SRMS: variants seen among roughly 807,000 people sequenced by gnomAD.
The protein encoded by SRMS is tyrosine-protein kinase Srms.
In SRMS, 42 loss-of-function variants were observed where a neutral mutation model predicts 43.5. That is an observed-to-expected ratio of 0.97 (90% CI 0.75 to 1.25). The LOEUF is 1.25. SRMS is among the 50% of genes most tolerant of loss of function. SRMS has a pLI of 0.00. For missense variants in SRMS, 703 were observed against 681.0 expected (o/e 1.03, Z -0.36); for synonymous variants, 316 against 308.2 (o/e 1.03, Z -0.27).
At position 63,540,270 on chromosome 20, in the gene SRMS, A is replaced by G. The variant is rs2082695756; in HGVS notation, c.*548T>C. ...ATACCACACATCCAGTGGGGTCAAC[A>G]CCACGGTCTGCCTGGGAGTCAGCAC... On this transcript the variant is annotated 3_prime_UTR_variant, in exon 8 of 8. Coordinates refer to ENST00000217188, the MANE Select transcript of SRMS (RefSeq NM_080823.4). Among the ~76,000 whole-genome samples the G allele has an allele frequency of 1.3e-5, 2 of 152,146 alleles. No individual in the cohort carries two copies. The highest frequency in any genetic ancestry group is 2.9e-5 in the Non-Finnish European group (2 of 68,026).
rs576765591 is a variant in SRMS, at chr20:63,543,984, T to C, written c.478+243A>G. On this transcript the variant is annotated intron_variant, in intron 2 of 7. Coordinates refer to ENST00000217188, the MANE Select transcript of SRMS (RefSeq NM_080823.4). ...ATGAATGGATGAATGAATGAATGAG[T>C]GAATTAGTGAGGAATGAATGAACAA... Among the ~76,000 whole-genome samples, 5 of 108,846 alleles carry C rather than the reference T, an allele frequency of 4.6e-5. No homozygotes were observed. The South Asian group carries it at 2.7e-3, about 59-fold the overall frequency. The allele number at this position is 108,846 out of a possible 152,430, so 71.4% of individuals were successfully genotyped here.
In SRMS at chr20:63,542,339, G is replaced by A. The variant is rs752513182; in HGVS notation, c.788-18C>T. On this transcript the variant is annotated intron_variant, in intron 4 of 7. Transcript: ENST00000217188. ...CATGTTGGCTGCGAGAGAGGGTGTG[G>A]CTCCAGGACCGGCCCACGCCACGAA... 2.1e-5 allele frequency: 34 copies of A among 1,602,274 alleles called. No individual in the cohort carries two copies. The highest frequency in any genetic ancestry group is 3.4e-5 in the Admixed American group (2 of 59,690).
intron 3 of SRMS, among the ~76,000 whole-genome samples, chr20:63,542,946 C>A (rs1600945594): frequency 6.6e-6 from 1 of 152,308 alleles, no homozygotes. Context: ...AGCCCAGGTG[C>A]AGCATCTTGT....
Position 63,547,276 on chromosome 20 carries a change from G to A in SRMS, c.188C>T (p.Thr63Met), listed in dbSNP as rs1326559114. ...PQLFLALYDFTARCGGELSVR... is the reference protein window; with the variant it reads ...PQLFLALYDFMARCGGELSVR... ...ACTCAGCTCCCCGCCACACCGCGCC[G>A]TGAAGTCATAGAGCGCAAGGAAGAG... Residue 63 changes from threonine to methionine, a missense_variant, in exon 1 of 8, where the codon ACG (threonine) becomes ATG (methionine). Thr to Met is a moderately conservative substitution (Grantham distance 81, BLOSUM62 -1). Coordinates refer to ENST00000217188, the MANE Select transcript of SRMS (RefSeq NM_080823.4). 3.2e-5 allele frequency: 52 copies of A among 1,609,690 alleles called. No individual in the cohort carries two copies. Among genetic ancestry groups the A allele is most frequent in the Admixed American group, 6.7e-5 (4 of 59,710 alleles).
Position 63,543,450 on chromosome 20 carries a change from C to T in SRMS, c.509G>A (p.Arg170Gln), listed in dbSNP as rs147645098. ...VRAQAKVCHY[R>Q]VSMAADGSLY... ...GCTGCCATCAGCTGCCATGGAGACCCGGTAGTGGCAGACCTTGGCCTGGGC... is the reference window on the plus strand; with the variant it reads ...GCTGCCATCAGCTGCCATGGAGACCTGGTAGTGGCAGACCTTGGCCTGGGC... Residue 170 changes from arginine to glutamine, a missense_variant, in exon 3 of 8, where the codon CGG becomes CAG. Arg to Gln is a conservative substitution (Grantham distance 43). Coordinates refer to ENST00000217188, the MANE Select transcript of SRMS (RefSeq NM_080823.4). The T allele has an allele frequency of 9.9e-5, 160 of 1,612,816 alleles. No homozygotes were observed. In the African/African-American group the frequency reaches 1.6e-3, roughly 16 times the overall value.
intron 2 of SRMS, 172 bp from the exon 3 acceptor site, chr20:63,543,652 G>A: frequency 1.3e-6 from 1 of 791,122 alleles, no homozygotes; most frequent in Non-Finnish European, 1.9e-6. Context: ...CACAGGCTGG[G>A]GCGGGGCAGC....
chr20:63,541,717 C>G (rs1487737242), intron 5 of SRMS, 97 bp from the exon 6 acceptor site: 1 of 1,365,774 alleles, frequency 7.3e-7, no homozygotes, highest in East Asian at 2.6e-5. Context: ...TCAGCCTCCT[C>G]ATCTCTAAGA....
Position 63,540,677 on chromosome 20 carries a change from C to T in SRMS, c.*141G>A, listed in dbSNP as rs1461573309. 13 of 1,090,352 alleles carry T rather than the reference C, an allele frequency of 1.2e-5. No individual in the cohort carries two copies. In the Admixed American group the frequency reaches 2.1e-4, roughly 17 times the overall value. The allele number at this position is 1,090,352 out of a possible 1,614,324, so 67.5% of individuals were successfully genotyped here. A position where few individuals can be genotyped will look rare whatever the true frequency, so the allele number is the denominator to read the frequency against. The stretch of plus-strand genomic sequence containing the variant: ...TCCGTCTGCACGTCTGCCTGGTGCA[C>T]GAACATGTGTGCACGCCAGGGCCTG... On this transcript the variant is annotated 3_prime_UTR_variant, in exon 8 of 8. Coordinates refer to ENST00000217188, the MANE Select transcript of SRMS (RefSeq NM_080823.4).
chr20:63,541,204 C>G lies in SRMS; in HGVS notation c.1272G>C (p.Gln424His), dbSNP rs2082701674. 6.4e-7 allele frequency: 1 copy of G among 1,558,626 alleles called. No homozygotes were observed. The highest frequency in any genetic ancestry group is 8.6e-7 in the Non-Finnish European group (1 of 1,157,620). Reference protein sequence around the residue: ...VLLHEVFTYGQCPYEGMTNHE... With the variant: ...VLLHEVFTYGHCPYEGMTNHE... ...CTGGGGACCCACCTTCATAGGGACA[C>G]TGGCCATAGGTGAAAACCTCGTGCA... Residue 424 changes from glutamine to histidine, a missense_variant, in exon 7 of 8, where the codon CAG becomes CAC. Transcript: ENST00000217188.
At position 63,547,188 on chromosome 20, in the gene SRMS, C is replaced by T; in HGVS notation, c.276G>A (p.Arg92=). The T allele has an allele frequency of 6.2e-7, 1 of 1,612,140 alleles. No individual in the cohort carries two copies. Among genetic ancestry groups the T allele is most frequent in the South Asian group, 1.1e-5 (1 of 91,010 alleles). The change falls in exon 1 of 8, where the codon AGG becomes AGA. Residue 92 remains arginine (R), a synonymous_variant. Coordinates refer to ENST00000217188, the MANE Select transcript of SRMS (RefSeq NM_080823.4). ...EEGGGYIFAR[R]LSGQPSAGLV... Reference sequence around the variant, plus strand: ...GCCCGGCGCTGGGCTGGCCCGAAAGCCTGCGTGCGAAGATGTAGCCGCCCC... The same window carrying T: ...GCCCGGCGCTGGGCTGGCCCGAAAGTCTGCGTGCGAAGATGTAGCCGCCCC...
chr20:63,543,364 C>T lies in SRMS; in HGVS notation c.595G>A (p.Ala199Thr), dbSNP rs773497556. 13 of 1,612,816 alleles carry T rather than the reference C, an allele frequency of 8.1e-6. 1 individual carries two copies. The South Asian group carries it at 1.4e-4, about 18-fold the overall frequency. ...GLEELLTYYK[A>T]NWKLIQNPLL... is the part of the protein sequence containing the mutation. ...GGGTTCTGGATCAGCTTCCAGTTGG[C>T]CTTGTAGTAGGTGAGCAGCTCCTCC... Residue 199 changes from alanine to threonine, a missense_variant, in exon 3 of 8, where the codon GCC becomes ACC. Physicochemically the swap from Ala to Thr is moderately conservative, Grantham distance 58. Transcript: ENST00000217188.
chr20:63,545,129 C>T (rs936504103), intron 1 of SRMS, among the ~76,000 whole-genome samples: 2 of 152,120 alleles, frequency 1.3e-5, no homozygotes, highest in Non-Finnish European at 1.5e-5. Context: ...GAGCCCACAC[C>T]GGGTGTCGGG....
intron 4 of SRMS, 24 bp from the exon 5 acceptor site, chr20:63,542,345 G>A (rs1341996708): frequency 6.2e-7 from 1 of 1,601,414 alleles, no homozygotes; most frequent in East Asian, 2.2e-5. Context: ...TGTGGCTCCA[G>A]GACCGGCCCA....
chr20:63,538,772 G>A lies in SRMS; in HGVS notation c.*2046C>T, dbSNP rs1854107993. Among the ~76,000 whole-genome samples, 1 of 152,018 alleles carries A rather than the reference G, an allele frequency of 6.6e-6. No individual in the cohort carries two copies. The highest frequency in any genetic ancestry group is 2.4e-5 in the African/African-American group (1 of 41,394). ...GTGCCGGGGCACCTGGCCGGGCAGC[G>A]TCCCTCAGAGCCCGGCCAGACTCTG... On this transcript the variant is annotated 3_prime_UTR_variant, in exon 8 of 8. Coordinates refer to ENST00000217188, the MANE Select transcript of SRMS (RefSeq NM_080823.4).
intron 7 of SRMS, 37 bp from the exon 8 acceptor site, chr20:63,541,036 C>A: frequency 6.2e-7 from 1 of 1,606,162 alleles, no homozygotes; most frequent in Non-Finnish European, 8.5e-7. Context: ...TCGATTCTGC[C>A]TGGGGGTCCC....
rs1306851304 is a variant in SRMS, at chr20:63,543,368, G to A, written c.591C>T (p.Tyr197=). The change falls in exon 3 of 8, where the codon TAC becomes TAT. Residue 197 remains tyrosine (Y), a synonymous_variant. Transcript: ENST00000217188. ...TCTGGATCAGCTTCCAGTTGGCCTTGTAGTAGGTGAGCAGCTCCTCCAGGC... is the reference window on the plus strand; with the variant it reads ...TCTGGATCAGCTTCCAGTTGGCCTTATAGTAGGTGAGCAGCTCCTCCAGGC... ...FPGLEELLTY[Y]KANWKLIQNP... is the part of the protein sequence containing the mutation. 2.5e-6 allele frequency: 4 copies of A among 1,612,716 alleles called. No homozygotes were observed. The highest frequency in any genetic ancestry group is 1.3e-5 in the African/African-American group (1 of 74,958).
At position 63,542,072 on chromosome 20, in the gene SRMS, CT is replaced by C. The variant is rs1474037059; in HGVS notation, c.946+90del. 4.0e-5 allele frequency: 61 copies of C among 1,519,648 alleles called. No homozygotes were observed. In the African/African-American group the frequency reaches 7.6e-4, roughly 19 times the overall value. 94.1% of individuals were successfully genotyped at this position (1,519,648 alleles called of 1,614,324 possible). A position where few individuals can be genotyped will look rare whatever the true frequency, so the allele number is the denominator to read the frequency against. The stretch of plus-strand genomic sequence containing the variant: ...CTCCCGGTAGAGAGGCCCGGTTCAC[CT>C]CGGAAACCCCGCAGGTTCAGCTCTG... On this transcript the variant is annotated intron_variant, in intron 5 of 7. Coordinates refer to ENST00000217188, the MANE Select transcript of SRMS (RefSeq NM_080823.4).
chr20:63,538,869 C>T lies in SRMS; in HGVS notation c.*1949G>A, dbSNP rs371373481. 2.2e-4 allele frequency among the ~76,000 whole-genome samples: 34 copies of T among 152,246 alleles called. No individual in the cohort carries two copies. Among genetic ancestry groups the T allele is most frequent in the South Asian group, 8.3e-4 (4 of 4,826 alleles). On this transcript the variant is annotated 3_prime_UTR_variant, in exon 8 of 8. Transcript: ENST00000217188. ...GACGTGCAGGACTTTCAGTCTAAGC[C>T]ACACCAGGAGGCAGGAACGTCCCCA...
chr20:63,542,029 T>C, intron 5 of SRMS, 134 bp downstream of exon 5: 3 of 1,299,032 alleles, frequency 2.3e-6, no homozygotes, highest in Non-Finnish European at 3.1e-6. Flanking sequence ...GGATGGGATC[T>C]GCAGCCGGGG....
Sources: gnomAD v4.1 joint callset for allele counts (sites outside exome capture counted in the v4.1 genomes callset) on GRCh38, gnomAD v4.1.1 for gene constraint, MANE v1.5 for transcripts, NCBI Gene and HGNC (gene_info 2026-07-23, HGNC 2026-07-21) for gene names.